Variants in ATXN3 observed in about 807,000 individuals in gnomAD.
ATXN3 encodes ataxin-3.
A neutral mutation model predicts 58.2 loss-of-function variants in ATXN3; 28 were observed. The observed-to-expected ratio is 0.48, with a 90% CI of 0.36 to 0.66. The LOEUF is 0.66. ATXN3 is among the 30% of genes least tolerant of loss of function. The pLI, the probability that ATXN3 is intolerant of heterozygous loss-of-function variation, is 0.00. For synonymous variants in ATXN3, 113 were observed against 138.5 expected (o/e 0.82, Z 1.29); for missense variants, 321 against 422.1 (o/e 0.76, Z 2.10).
chr14:92,070,065 T>G (rs948770994), intron 10 of ATXN3, among the ~76,000 whole-genome samples: 1 of 152,222 alleles, frequency 6.6e-6, no homozygotes. Context: ...AGTTGTTTTC[T>G]GATTATTCAG....
At chr14:92,055,496 C>T (rs904571912), downstream of ATXN3, among the ~76,000 whole-genome samples, 1 of 152,182 alleles carries the variant, frequency 6.6e-6, no homozygotes, top group South Asian at 2.1e-4. This position sits in a 1 kb window ranked among gnomAD's most constrained non-coding sequence, Gnocchi z 4.5. Context: ...ACTCCATACT[C>T]GTTAAACAAC....
At chr14:92,100,979 C>T (rs867317114) in intron 1 of ATXN3, among the ~76,000 whole-genome samples, 1 of 152,092 alleles carries the variant, frequency 6.6e-6, no homozygotes, top group South Asian at 2.1e-4. Flanking sequence ...ATACTTAATA[C>T]CATATATAGC....
intron 6 of ATXN3, among the ~76,000 whole-genome samples, chr14:92,083,803 A>G (rs1348155408): frequency 6.6e-6 from 1 of 152,232 alleles, no homozygotes; most frequent in Non-Finnish European, 1.5e-5. Flanking sequence ...CATTTAAGCC[A>G]GTGAACTGGG....
At chr14:92,077,363 T>C (rs2060589905) in intron 9 of ATXN3, among the ~76,000 whole-genome samples, 1 of 151,896 alleles carries the variant, frequency 6.6e-6, no homozygotes, top group Non-Finnish European at 1.5e-5. Flanking sequence ...TTTTTTTTTT[T>C]TGAGACAGAG....
chr14:92,073,824 G>GT (rs1256500131), intron 9 of ATXN3, among the ~76,000 whole-genome samples: 3 of 150,896 alleles, frequency 2.0e-5, no homozygotes, highest in Non-Finnish European at 4.4e-5. Context: ...GGGTGACAGA[G>GT]TGAGACTCTG....
At chr14:92,097,028 C>T (rs769103039) in intron 1 of ATXN3, 190 bp from the exon 2 acceptor site, 50 of 508,360 alleles carry the variant, frequency 9.8e-5, no homozygotes, top group Non-Finnish European at 1.4e-4. Flanking sequence ...CTGCCTCAGC[C>T]TCCCGAGTAG....
At chr14:92,076,865 A>C (rs960178572) in intron 9 of ATXN3, among the ~76,000 whole-genome samples, 1 of 142,224 alleles carries the variant, frequency 7.0e-6, no homozygotes, top group Non-Finnish European at 1.5e-5. Flanking sequence ...GCTTAAACTC[A>C]GGAGGCGGAG....
intron 10 of ATXN3, among the ~76,000 whole-genome samples, chr14:92,066,670 T>G (rs998780949): frequency 6.8e-6 from 1 of 147,826 alleles, no homozygotes; most frequent in African/African-American, 2.5e-5. Context: ...TACAGTGGCA[T>G]GAGCTTGGCT....
At chr14:92,076,683 T>C (rs866018308) in intron 9 of ATXN3, among the ~76,000 whole-genome samples, 1 of 151,922 alleles carries the variant, frequency 6.6e-6, no homozygotes, top group Non-Finnish European at 1.5e-5. Flanking sequence ...TGCACGCCTG[T>C]AATCCCAGAA....
intron 8 of ATXN3, among the ~76,000 whole-genome samples, chr14:92,081,568 G>T (rs2061495113): frequency 6.6e-6 from 1 of 151,582 alleles, no homozygotes; most frequent in African/African-American, 2.4e-5. Flanking sequence ...TCAAAAATGG[G>T]ATTGCACACC....
Position 92,064,336 on chromosome 14 carries a change from GT to G in ATXN3, c.1069del (p.Thr357GlnfsTer11), listed in dbSNP as rs2058000096. 1 of 1,608,780 alleles carries G rather than the reference GT, an allele frequency of 6.2e-7. No individual in the cohort carries two copies. Among genetic ancestry groups the G allele is most frequent in the Admixed American group, 1.7e-5 (1 of 59,892 alleles). Reference protein sequence around the residue: ...SLETVRNDLKTEGKK With the variant: ...SLETVRNDLKXEGKK The stretch of plus-strand genomic sequence containing the variant: ...TTAAAGGTATTATTTTTTTCCTTCT[GT>G]TTTCAAATCATTTCTGACAGTTTCT... On this transcript the variant is annotated frameshift_variant, in exon 11 of 11. Coordinates refer to ENST00000644486, the MANE Select transcript of ATXN3 (RefSeq NM_004993.6). LOFTEE classifies it high-confidence loss of function.
At chr14:92,079,884 C>T (rs1025756893) in intron 9 of ATXN3, among the ~76,000 whole-genome samples, 1 of 152,056 alleles carries the variant, frequency 6.6e-6, no homozygotes, top group Non-Finnish European at 1.5e-5. Context: ...ATTACAGGCA[C>T]CCACCACCAT....
chr14:92,066,831 G>A (rs953733951), intron 10 of ATXN3, among the ~76,000 whole-genome samples: 44 of 150,276 alleles, frequency 2.9e-4, no homozygotes, highest in Middle Eastern at 6.8e-3. Context: ...GTGCAGTGGC[G>A]CGACCTTGGC....
In ATXN3 at chr14:92,082,395, T is replaced by C. The variant is rs779172677; in HGVS notation, c.680A>G (p.Glu227Gly). ...DGSGMLDEDE[E>G]DLQRALALSR... ...TAGTGCCAGAGCCCTCTGCAAATCC[T>C]CCTCATCTTCGTCTAACATTCCTGA... Residue 227 changes from glutamate to glycine, a missense_variant, in exon 8 of 11, where the codon GAG (glutamate) becomes GGG (glycine). Coordinates refer to ENST00000644486, the MANE Select transcript of ATXN3 (RefSeq NM_004993.6). The C allele has an allele frequency of 2.5e-6, 4 of 1,614,158 alleles. No homozygotes were observed. In the South Asian group the frequency reaches 4.4e-5, roughly 18 times the overall value.
At chr14:92,068,125 G>A (rs535404667) in intron 10 of ATXN3, among the ~76,000 whole-genome samples, 2 of 152,230 alleles carry the variant, frequency 1.3e-5, no homozygotes, top group East Asian at 3.9e-4. Flanking sequence ...TGTATTACTG[G>A]GTGGAAGTTC....
intron 1 of ATXN3, 72 bp from the exon 2 acceptor site, chr14:92,096,910 A>ATTT (rs398026196): frequency 7.1e-4 from 754 of 1,062,910 alleles, no homozygotes; most frequent in African/African-American, 1.1e-3. Flanking sequence ...CCCCTAAATA[A>ATTT]TTTTTTTTTT....
At chr14:92,085,605 T>TA (rs1348427573) in intron 6 of ATXN3, among the ~76,000 whole-genome samples, 1 of 152,186 alleles carries the variant, frequency 6.6e-6, no homozygotes. Context: ...TCTGTCGGTA[T>TA]AATATATAGG....
intron 5 of ATXN3, among the ~76,000 whole-genome samples, chr14:92,090,042 GGCT>G (rs3031725): frequency 7.3e-6 from 1 of 137,728 alleles, no homozygotes; most frequent in Non-Finnish European, 1.6e-5. Flanking sequence ...GACCAGCCTG[GGCT>G]GTAACATAGT....
At chr14:92,084,568 T>A (rs1201023140) in intron 6 of ATXN3, among the ~76,000 whole-genome samples, 1 of 138,294 alleles carries the variant, frequency 7.2e-6, no homozygotes, top group Non-Finnish European at 1.5e-5. Flanking sequence ...AGTTTCTCTA[T>A]CATTAATTTT....
Sources: gnomAD v4.1 joint callset for allele counts (sites outside exome capture counted in the v4.1 genomes callset) on GRCh38, gnomAD v4.1.1 for gene constraint, Gnocchi (gnomAD v3.1) non-coding constraint, MANE v1.5 for transcripts, NCBI Gene and HGNC (gene_info 2026-07-23, HGNC 2026-07-21) for gene names.